Variants in CHCHD3 observed in about 807,000 individuals in gnomAD.
The protein encoded by CHCHD3 is MICOS complex subunit MIC19.
In CHCHD3, 20 loss-of-function variants were observed where a neutral mutation model predicts 38.2. That is an observed-to-expected ratio of 0.52 (90% CI 0.37 to 0.76). The LOEUF is 0.76. Ranked by LOEUF, CHCHD3 falls within the 30% of genes least tolerant of loss-of-function variation. CHCHD3 has a pLI of 0.00. For synonymous variants in CHCHD3, 82 were observed against 100.0 expected (o/e 0.82, Z 1.07); for missense variants, 245 against 279.2 (o/e 0.88, Z 0.87).
At chr7:132,877,955 G>A (rs1412092727) in intron 5 of CHCHD3, among the ~76,000 whole-genome samples, 3 of 152,110 alleles carry the variant, frequency 2.0e-5, no homozygotes, top group Non-Finnish European at 4.4e-5. Context: ...GCCAAAATGA[G>A]TTAACCACAT....
chr7:132,896,183 T>C (rs1809490326), intron 4 of CHCHD3, among the ~76,000 whole-genome samples: 1 of 152,116 alleles, frequency 6.6e-6, no homozygotes, highest in African/African-American at 2.4e-5. Context: ...AGTGAGAAAA[T>C]ATATAAAATA....
intron 4 of CHCHD3, among the ~76,000 whole-genome samples, chr7:132,943,430 A>C (rs943536007): frequency 1.3e-5 from 2 of 152,174 alleles, no homozygotes; most frequent in African/African-American, 4.8e-5. Context: ...TTAATTCTAC[A>C]TGAGAACTTA....
intron 2 of CHCHD3, among the ~76,000 whole-genome samples, chr7:133,028,457 T>C (rs1024211174): frequency 1.3e-5 from 2 of 152,110 alleles, no homozygotes; most frequent in African/African-American, 2.4e-5. Context: ...AAAACTCACA[T>C]TGAAACTTAA....
intron 2 of CHCHD3, among the ~76,000 whole-genome samples, chr7:133,060,188 T>C (rs1486406667): frequency 6.6e-6 from 1 of 152,192 alleles, no homozygotes; most frequent in South Asian, 2.1e-4. Flanking sequence ...TGCCTAATTA[T>C]CTGGTCTCAA....
chr7:132,878,807 A>C (rs554519018), intron 5 of CHCHD3, among the ~76,000 whole-genome samples: 156 of 152,352 alleles, frequency 1.0e-3, no homozygotes, highest in African/African-American at 3.6e-3. Context: ...GTCATGAACA[A>C]GTTAACAAAT....
intron 3 of CHCHD3, among the ~76,000 whole-genome samples, chr7:133,000,601 T>C (rs923244952): frequency 8.5e-5 from 13 of 152,176 alleles, no homozygotes; most frequent in Non-Finnish European, 1.8e-4. Flanking sequence ...TTTCATGCAA[T>C]TGTCTTATGT....
chr7:132,834,232 C>G (rs1451633130), intron 6 of CHCHD3, among the ~76,000 whole-genome samples: 3 of 152,200 alleles, frequency 2.0e-5, no homozygotes, highest in Non-Finnish European at 4.4e-5. Flanking sequence ...ACTAAGTAAT[C>G]TCTGTGCCTT....
At chr7:132,833,037 T>C (rs1027902137) in intron 6 of CHCHD3, among the ~76,000 whole-genome samples, 1 of 152,234 alleles carries the variant, frequency 6.6e-6, no homozygotes, top group African/African-American at 2.4e-5. Flanking sequence ...GATAATCAAA[T>C]GCAGTATTTA....
At chr7:132,821,876 C>G (rs1807386463) in intron 6 of CHCHD3, among the ~76,000 whole-genome samples, 1 of 150,796 alleles carries the variant, frequency 6.6e-6, no homozygotes, top group African/African-American at 2.4e-5. Flanking sequence ...CATTCTCCTG[C>G]CTCAGCCTCC....
At chr7:132,968,943 A>G (rs1811543178) in intron 4 of CHCHD3, among the ~76,000 whole-genome samples, 1 of 152,124 alleles carries the variant, frequency 6.6e-6, no homozygotes, top group Admixed American at 6.5e-5. Context: ...CTTTTTTACC[A>G]TGAAATTTCA....
intron 6 of CHCHD3, among the ~76,000 whole-genome samples, chr7:132,825,848 C>T (rs6959767): frequency 0.17 from 26,382 of 152,112 alleles, 2,432 homozygotes; most frequent in African/African-American, 0.22. Context: ...GATCAAGGAT[C>T]GATACCCTTC....
chr7:133,016,398 T>A lies in CHCHD3; in HGVS notation c.251+8148A>T, dbSNP rs115908023. Among the ~76,000 whole-genome samples the A allele has an allele frequency of 2.3e-3, 349 of 152,358 alleles. 2 individuals are homozygous for A. Among genetic ancestry groups the A allele is most frequent in the African/African-American group, 7.8e-3 (323 of 41,576 alleles). ...ATGTGACTCCAGTGTGCATGTTCTA[T>A]GTATGTGTCTGTATAAAACTGTGAG... On this transcript the variant is annotated intron_variant, in intron 3 of 7. Coordinates refer to ENST00000262570, the MANE Select transcript of CHCHD3 (RefSeq NM_017812.4).
intron 2 of CHCHD3, among the ~76,000 whole-genome samples, chr7:133,033,739 T>C (rs1040179842): frequency 1.3e-5 from 2 of 152,214 alleles, no homozygotes; most frequent in Non-Finnish European, 2.9e-5. Flanking sequence ...TAGCTTTCTC[T>C]AGCTCCATAC....
intron 4 of CHCHD3, among the ~76,000 whole-genome samples, chr7:132,937,582 T>C (rs1388857163): frequency 6.6e-6 from 1 of 152,210 alleles, no homozygotes; most frequent in African/African-American, 2.4e-5. Context: ...GTAATAATAC[T>C]TCCATGCATT....
chr7:133,048,187 G>T (rs148421178), intron 2 of CHCHD3, among the ~76,000 whole-genome samples: 9 of 151,998 alleles, frequency 5.9e-5, no homozygotes, highest in Non-Finnish European at 1.2e-4. Flanking sequence ...TTACTTCGTG[G>T]AGACAGCCAT....
intron 3 of CHCHD3, among the ~76,000 whole-genome samples, chr7:132,994,299 A>AT (rs1812359306): frequency 6.6e-6 from 1 of 152,228 alleles, no homozygotes; most frequent in Non-Finnish European, 1.5e-5. Context: ...TAGCTCACTA[A>AT]TAATAATCAA....
intron 5 of CHCHD3, among the ~76,000 whole-genome samples, chr7:132,874,870 T>G (rs534680848): frequency 6.6e-6 from 1 of 152,070 alleles, no homozygotes; most frequent in Non-Finnish European, 1.5e-5. Flanking sequence ...GAAAACCCTA[T>G]CCCAGAGCAC....
chr7:133,068,083 T>C (rs1814723512), intron 2 of CHCHD3, among the ~76,000 whole-genome samples: 1 of 151,122 alleles, frequency 6.6e-6, no homozygotes, highest in East Asian at 1.9e-4. Flanking sequence ...GCCACTGCAC[T>C]CCAGCCTGGG....
intron 5 of CHCHD3, among the ~76,000 whole-genome samples, chr7:132,869,973 A>G (rs1013190010): frequency 2.6e-5 from 4 of 152,306 alleles, no homozygotes; most frequent in African/African-American, 9.6e-5. Context: ...AGGTTTAATT[A>G]TTGTATCTAT....
Sources: gnomAD v4.1 joint callset for allele counts (sites outside exome capture counted in the v4.1 genomes callset) on GRCh38, gnomAD v4.1.1 for gene constraint, MANE v1.5 for transcripts, NCBI Gene and HGNC (gene_info 2026-07-23, HGNC 2026-07-21) for gene names.